RALGPS1: variants seen among roughly 807,000 people sequenced by gnomAD.
The protein encoded by RALGPS1 is ras-specific guanine nucleotide-releasing factor RalGPS1.
Under a neutral mutation model 78.8 loss-of-function variants are expected in RALGPS1, and 19 were observed. The ratio of observed to expected loss-of-function variants is 0.24; its 90% confidence interval spans 0.17 to 0.35. RALGPS1 has a LOEUF of 0.35. Ranked by LOEUF, RALGPS1 falls within the 10% of genes least tolerant of loss-of-function variation. The pLI is 1.00. For missense variants in RALGPS1, 454 were observed against 688.3 expected (o/e 0.66, Z 3.81); for synonymous variants, 228 against 256.3 (o/e 0.89, Z 1.06).
chr9:127,130,241 AC>A (rs1047656889), intron 8 of RALGPS1, among the ~76,000 whole-genome samples: 1 of 152,226 alleles, frequency 6.6e-6, no homozygotes, highest in Non-Finnish European at 1.5e-5. Context: ...TAGTAATATC[AC>A]CTTCCCAAGA....
At chr9:126,931,473 T>G (rs1296372212) in intron 1 of RALGPS1, among the ~76,000 whole-genome samples, 2 of 152,206 alleles carry the variant, frequency 1.3e-5, no homozygotes, top group African/African-American at 4.8e-5. Context: ...ATGCCTAATA[T>G]GGATAAACCT....
chr9:127,154,804 C>T (rs991972185), intron 8 of RALGPS1, among the ~76,000 whole-genome samples: 9 of 152,196 alleles, frequency 5.9e-5, no homozygotes, highest in Non-Finnish European at 1.3e-4. Context: ...GCGACTGAAG[C>T]GGCTGTCTGT....
intron 6 of RALGPS1, 71 bp from the exon 7 acceptor site, chr9:127,052,776 G>A (rs1032465635): frequency 1.3e-5 from 12 of 916,476 alleles, no homozygotes; most frequent in Non-Finnish European, 1.8e-5. Flanking sequence ...ATGACATTTG[G>A]TAACACTTGA....
rs1390157260 is a variant in RALGPS1, at chr9:127,125,992, T to A, written c.611-40077T>A. Among the ~76,000 whole-genome samples the A allele has an allele frequency of 2.0e-5, 3 of 152,142 alleles. No homozygotes were observed. The East Asian group carries it at 5.8e-4, about 29-fold the overall frequency. ...GGTCCACTGGGAGACTGCGTATATATGAGGAGCGGTGGGTCAGGGGATGCA... is the reference window on the plus strand; with the variant it reads ...GGTCCACTGGGAGACTGCGTATATAAGAGGAGCGGTGGGTCAGGGGATGCA... On this transcript the variant is annotated intron_variant, in intron 8 of 18. Coordinates refer to ENST00000259351, the MANE Select transcript of RALGPS1 (RefSeq NM_014636.3).
rs543320728 is a variant in RALGPS1, at chr9:127,043,409, A to G, written c.301-6634A>G. 9.2e-5 allele frequency among the ~76,000 whole-genome samples: 14 copies of G among 152,286 alleles called. No individual in the cohort carries two copies. The East Asian group carries it at 2.7e-3, about 29-fold the overall frequency. ...TATTTGTGTGTATATGCAAAAAAAA[A>G]AAAAAATGAACCTAGACACAGACCT... On this transcript the variant is annotated intron_variant, in intron 5 of 18. Coordinates refer to ENST00000259351, the MANE Select transcript of RALGPS1 (RefSeq NM_014636.3).
intron 5 of RALGPS1, among the ~76,000 whole-genome samples, chr9:127,042,354 C>T (rs1191172459): frequency 6.6e-6 from 1 of 152,082 alleles, no homozygotes; most frequent in Non-Finnish European, 1.5e-5. Context: ...TGTTTGGCTC[C>T]TTCAGCAATT....
intron 7 of RALGPS1, among the ~76,000 whole-genome samples, chr9:127,068,488 TG>T (rs1200709709): frequency 6.6e-6 from 1 of 152,184 alleles, no homozygotes; most frequent in Non-Finnish European, 1.5e-5. Flanking sequence ...TGCTGTTATG[TG>T]GGGGATTCTG....
chr9:127,192,506 C>T (rs1328761702), intron 11 of RALGPS1, among the ~76,000 whole-genome samples: 1 of 152,134 alleles, frequency 6.6e-6, no homozygotes, highest in East Asian at 1.9e-4. Context: ...AGGTCTGGGC[C>T]AGGCCTGGTG....
At chr9:127,125,047 C>T (rs1356280339) in intron 8 of RALGPS1, among the ~76,000 whole-genome samples, 1 of 152,216 alleles carries the variant, frequency 6.6e-6, no homozygotes, top group African/African-American at 2.4e-5. Context: ...GCATTGGGCA[C>T]TGGGGAGCTC....
chr9:127,088,965 G>T, intron 8 of RALGPS1: 1 of 1,614,156 alleles, frequency 6.2e-7, no homozygotes, highest in Non-Finnish European at 8.5e-7. Context: ...GGGTTCGGTC[G>T]GATCATCATC....
intron 4 of RALGPS1, among the ~76,000 whole-genome samples, chr9:126,979,111 C>T (rs1306114409): frequency 6.6e-6 from 1 of 152,220 alleles, no homozygotes; most frequent in East Asian, 1.9e-4. Context: ...TATCTTAACA[C>T]AAAGTCACAG....
chr9:127,117,166 A>G (rs1193950905), intron 8 of RALGPS1, among the ~76,000 whole-genome samples: 1 of 152,132 alleles, frequency 6.6e-6, no homozygotes, highest in Non-Finnish European at 1.5e-5. Context: ...CTGTCTTCCT[A>G]AGTTGACCTC....
intron 4 of RALGPS1, chr9:126,990,050 G>A (rs931709261): frequency 3.2e-5 from 49 of 1,540,918 alleles, no homozygotes; most frequent in Non-Finnish European, 3.9e-5. Flanking sequence ...CTGAAGAAGC[G>A]GGCGTTCCAG....
At chr9:127,149,627 G>A (rs1440980433) in intron 8 of RALGPS1, among the ~76,000 whole-genome samples, 2 of 152,228 alleles carry the variant, frequency 1.3e-5, no homozygotes, top group African/African-American at 4.8e-5. Flanking sequence ...CAGAGAGTGG[G>A]GACCACACAA....
At chr9:127,158,539 C>T (rs531703433) in intron 8 of RALGPS1, among the ~76,000 whole-genome samples, 2 of 152,082 alleles carry the variant, frequency 1.3e-5, no homozygotes, top group African/African-American at 4.8e-5. Flanking sequence ...TTTCCTCAGT[C>T]GTACATACCA....
intron 4 of RALGPS1, among the ~76,000 whole-genome samples, chr9:126,978,606 C>CA (rs57764057): frequency 0.11 from 12,018 of 110,444 alleles, 613 homozygotes; most frequent in Middle Eastern, 0.26. Context: ...GAGACTCTGT[C>CA]AAAAAAAAAA....
chr9:127,192,588 G>A (rs998274421), intron 11 of RALGPS1, among the ~76,000 whole-genome samples: 1 of 152,148 alleles, frequency 6.6e-6, no homozygotes, highest in Non-Finnish European at 1.5e-5. Flanking sequence ...AGCCGGGGAG[G>A]TCGAGGCTGC....
intron 14 of RALGPS1, among the ~76,000 whole-genome samples, chr9:127,208,325 G>A (rs1217346453): frequency 6.6e-6 from 1 of 152,228 alleles, no homozygotes; most frequent in Non-Finnish European, 1.5e-5. Context: ...CCTCTGAGAG[G>A]ATAATGCCAG....
intron 1 of RALGPS1, among the ~76,000 whole-genome samples, chr9:126,954,675 G>A (rs1384478735): frequency 3.3e-5 from 5 of 152,194 alleles, no homozygotes; most frequent in East Asian, 1.9e-4. Flanking sequence ...TAATCCCAGC[G>A]CCTGTAATCC....
Sources: gnomAD v4.1 joint callset for allele counts (sites outside exome capture counted in the v4.1 genomes callset) on GRCh38, gnomAD v4.1.1 for gene constraint, MANE v1.5 for transcripts, NCBI Gene and HGNC (gene_info 2026-07-23, HGNC 2026-07-21) for gene names.